HIP1: variants seen among roughly 807,000 people sequenced by gnomAD.
The protein encoded by HIP1 is huntingtin-interacting protein 1.
In HIP1, 65 loss-of-function variants were observed where a neutral mutation model predicts 147.6. The ratio of observed to expected loss-of-function variants is 0.44; its 90% CI spans 0.36 to 0.54. The LOEUF (loss-of-function observed/expected upper bound fraction) is 0.54, where lower values mean the gene tolerates loss of function less well. HIP1 is among the 20% of genes least tolerant of loss of function. HIP1 has a pLI of 0.00. For missense variants in HIP1, 1,061 were observed against 1,299.6 expected (o/e 0.82, Z 2.82); for synonymous variants, 479 against 504.0 (o/e 0.95, Z 0.67).
chr7:75,589,353 A>G (rs782589590), intron 4 of HIP1, among the ~76,000 whole-genome samples: 4 of 151,906 alleles, frequency 2.6e-5, no homozygotes, highest in Non-Finnish European at 5.9e-5. Context: ...TAGAGACATG[A>G]GGGGTAGGAT....
chr7:75,622,849 T>TTAAC (rs1355504681), intron 1 of HIP1, among the ~76,000 whole-genome samples: 32 of 146,350 alleles, frequency 2.2e-4, no homozygotes, highest in African/African-American at 6.8e-4. Flanking sequence ...AAATAAATAA[T>TTAAC]TATCTATCTA....
At chr7:75,605,536 T>C (rs1342135596) in intron 1 of HIP1, among the ~76,000 whole-genome samples, 1 of 152,076 alleles carries the variant, frequency 6.6e-6, no homozygotes, top group Non-Finnish European at 1.5e-5. Flanking sequence ...CTATTTTTGT[T>C]GTTGTTGTTG....
intron 1 of HIP1, among the ~76,000 whole-genome samples, chr7:75,642,449 C>T (rs1554510611): frequency 1.3e-5 from 2 of 152,136 alleles, no homozygotes. Context: ...GCAGGAGAAT[C>T]ACTTGAACAC....
At chr7:75,629,551 T>G (rs1211493658) in intron 1 of HIP1, among the ~76,000 whole-genome samples, 1 of 152,030 alleles carries the variant, frequency 6.6e-6, no homozygotes, top group African/African-American at 2.4e-5. Flanking sequence ...CTTTTCTTTT[T>G]TTTTTTTTTG....
intron 1 of HIP1, among the ~76,000 whole-genome samples, chr7:75,636,258 C>T (rs782433329): frequency 1.3e-4 from 20 of 149,892 alleles, no homozygotes; most frequent in Middle Eastern, 3.5e-3. Context: ...AGCTGAGGCA[C>T]GAGAATCGCC....
chr7:75,582,984 C>T (rs189781790), intron 5 of HIP1, among the ~76,000 whole-genome samples: 1 of 152,248 alleles, frequency 6.6e-6, no homozygotes, highest in Non-Finnish European at 1.5e-5. Context: ...TCTACTCCAT[C>T]CCCACTCCAG....
intron 1 of HIP1, among the ~76,000 whole-genome samples, chr7:75,631,185 G>T (rs782053718): frequency 1.3e-5 from 2 of 151,402 alleles, no homozygotes; most frequent in Non-Finnish European, 2.9e-5. Flanking sequence ...TTTTTCCCAG[G>T]CTGGTCTTGA....
At chr7:75,629,873 G>T (rs1798156944) in intron 1 of HIP1, among the ~76,000 whole-genome samples, 1 of 152,106 alleles carries the variant, frequency 6.6e-6, no homozygotes, top group Admixed American at 6.6e-5. Flanking sequence ...GCTCTTCCAG[G>T]TATCACTGAG....
chr7:75,635,891 T>G (rs1798408508), intron 1 of HIP1, among the ~76,000 whole-genome samples: 1 of 150,250 alleles, frequency 6.7e-6, no homozygotes, highest in African/African-American at 2.5e-5. Context: ...GGTGTAGTGG[T>G]GTGCGCCTGT....
At chr7:75,659,480 C>T (rs1799239320) in intron 1 of HIP1, among the ~76,000 whole-genome samples, 1 of 152,010 alleles carries the variant, frequency 6.6e-6, no homozygotes, top group African/African-American at 2.4e-5. Flanking sequence ...AAAACCCCGT[C>T]TCTACAAAAA....
At chr7:75,693,924 T>C (rs944242823) in intron 1 of HIP1, among the ~76,000 whole-genome samples, 2 of 143,266 alleles carry the variant, frequency 1.4e-5, no homozygotes, top group Admixed American at 7.0e-5. Flanking sequence ...CTTTTCTTTT[T>C]TTTTTTTTTT....
intron 4 of HIP1, among the ~76,000 whole-genome samples, chr7:75,587,971 C>A (rs1284639065): frequency 6.6e-6 from 1 of 151,838 alleles, no homozygotes. Context: ...TCTCAAAACA[C>A]CACCACCACC....
chr7:75,645,246 G>T (rs1409065325), intron 1 of HIP1, among the ~76,000 whole-genome samples: 1 of 151,596 alleles, frequency 6.6e-6, no homozygotes, highest in Non-Finnish European at 1.5e-5. Flanking sequence ...TATTTTTTGA[G>T]ACGAAGTTTC....
At chr7:75,692,649 C>T (rs1465408911) in intron 1 of HIP1, among the ~76,000 whole-genome samples, 1 of 150,408 alleles carries the variant, frequency 6.6e-6, no homozygotes, top group Non-Finnish European at 1.5e-5. Flanking sequence ...AGGCTGGTCT[C>T]AAACTTCTGG....
Position 75,664,041 on chromosome 7 carries a change from CATATATGTGTATATACACAT to C in HIP1, c.121-64814_121-64795del, listed in dbSNP as rs1563278525. 3.3e-4 allele frequency among the ~76,000 whole-genome samples: 8 copies of C among 24,564 alleles called. 2 individuals are homozygous for C. The African/African-American group carries it at 3.3e-3, about 10-fold the overall frequency. The allele number at this position is 24,564 out of a possible 152,430, so 16.1% of individuals were successfully genotyped here. On this transcript the variant is annotated intron_variant, in intron 1 of 30. Coordinates refer to ENST00000336926, the MANE Select transcript of HIP1 (RefSeq NM_005338.7). ...ACACATATATGTGTATATATATACA[CATATATGTGTATATACACAT>C]ATATGTGTATATACACACACATATA...
intron 1 of HIP1, among the ~76,000 whole-genome samples, chr7:75,639,491 G>A (rs2117156113): frequency 6.6e-6 from 1 of 152,018 alleles, no homozygotes; most frequent in African/African-American, 2.4e-5. Flanking sequence ...ACAAAAGGTG[G>A]CTTCTCCCCA....
chr7:75,610,592 A>G (rs1343255713), intron 1 of HIP1, among the ~76,000 whole-genome samples: 1 of 151,750 alleles, frequency 6.6e-6, no homozygotes, highest in East Asian at 1.9e-4. Context: ...CCAGACTAGA[A>G]TCCCAAGCAC....
intron 1 of HIP1, among the ~76,000 whole-genome samples, chr7:75,703,924 C>T (rs1800913617): frequency 6.6e-6 from 1 of 152,182 alleles, no homozygotes; most frequent in East Asian, 1.9e-4. Context: ...CCAGAGCTGC[C>T]GACCCGAAGC....
At chr7:75,695,781 G>A (rs1240997844) in intron 1 of HIP1, among the ~76,000 whole-genome samples, 1 of 151,894 alleles carries the variant, frequency 6.6e-6, no homozygotes, top group African/African-American at 2.4e-5. Context: ...CACTATGTTG[G>A]CCAGGCTGGT....
Sources: gnomAD v4.1 joint callset for allele counts (sites outside exome capture counted in the v4.1 genomes callset) on GRCh38, gnomAD v4.1.1 for gene constraint, MANE v1.5 for transcripts, NCBI Gene and HGNC (gene_info 2026-07-23, HGNC 2026-07-21) for gene names.